Variants in SLC19A2 observed in about 807,000 individuals in gnomAD.
The protein encoded by SLC19A2 is solute carrier family 19 member 2.
A neutral mutation model predicts 44.7 loss-of-function variants in SLC19A2; 27 were observed. The observed-to-expected ratio is 0.60, with a 90% CI of 0.45 to 0.83. The LOEUF is 0.83. Among genes scored for constraint, SLC19A2 ranks in the 40% least tolerant of loss-of-function variants. SLC19A2 has a pLI of 0.00. For synonymous variants in SLC19A2, 239 were observed against 243.6 expected, an observed-to-expected ratio of 0.98 and a Z score of 0.18; for missense variants, 566 against 613.7, an observed-to-expected ratio of 0.92 and a Z score of 0.82.
chr1:169,464,668 A>G lies in SLC19A2; in HGVS notation c.*1181T>C, dbSNP rs1231614762. ...AGACTGATTTCAGAATTAAATGCAT[A>G]TAGAACATTTTTTCAAGTAACTTGG... is the stretch of plus-strand genomic sequence containing the variant. On this transcript the variant is annotated 3_prime_UTR_variant, in exon 6 of 6. Coordinates refer to ENST00000236137, the MANE Select transcript of SLC19A2 (RefSeq NM_006996.3). 2 of 152,620 alleles carry G rather than the reference A, an allele frequency of 1.3e-5. No homozygotes were observed. The highest frequency in any genetic ancestry group is 2.9e-5 in the Non-Finnish European group (2 of 68,012). The allele number at this position is 152,620 out of a possible 1,614,324, so 9.5% of individuals were successfully genotyped here. A position where few individuals can be genotyped will look rare whatever the true frequency, so the allele number is the denominator to read the frequency against.
chr1:169,470,245 A>C, intron 2 of SLC19A2, 59 bp from the exon 3 acceptor site: 1 of 1,421,750 alleles, frequency 7.0e-7, no homozygotes, highest in East Asian at 2.3e-5. Context: ...ATAGAAAGCA[A>C]TTTACAGGCC....
rs182736866 is a variant in SLC19A2 at position 169,468,048 on chromosome 1, T to C, written c.1365+63A>G. ...TGGATTTGTTTTCATTAAGCATACA[T>C]ATACTTCTGTCACCCTGATCAAGTC... On this transcript the variant is annotated intron_variant, in intron 5 of 5. Transcript: ENST00000236137. 4.2e-4 allele frequency: 644 copies of C among 1,549,400 alleles called. 2 individuals carry two copies. In the African/African-American group the frequency reaches 7.4e-3, roughly 18 times the overall value.
intron 2 of SLC19A2, among the ~76,000 whole-genome samples, chr1:169,471,675 CGTGTGTGTGT>C (rs140548510): frequency 7.6e-6 from 1 of 131,900 alleles, no homozygotes; most frequent in Middle Eastern, 3.5e-3. Flanking sequence ...AAAAAACAAA[CGTGTGTGTGT>C]GTGTGTGTGT....
chr1:169,481,030 G>A (rs1354592312), intron 1 of SLC19A2, among the ~76,000 whole-genome samples: 1 of 152,164 alleles, frequency 6.6e-6, no homozygotes, highest in Non-Finnish European at 1.5e-5. Flanking sequence ...AGAGGGGGAA[G>A]ACCAGATAGT....
At chr1:169,476,377 T>C (rs1431895673) in intron 2 of SLC19A2, among the ~76,000 whole-genome samples, 1 of 152,220 alleles carries the variant, frequency 6.6e-6, no homozygotes, top group Non-Finnish European at 1.5e-5. Flanking sequence ...AAATAACAGA[T>C]ATCCCTTCTA....
At chr1:169,481,324 G>T (rs958464670) in intron 1 of SLC19A2, among the ~76,000 whole-genome samples, 1 of 152,212 alleles carries the variant, frequency 6.6e-6, no homozygotes, top group African/African-American at 2.4e-5. Context: ...GCAGAAGAAG[G>T]ATCTGAATTC....
At chr1:169,474,984 T>C (rs1658273479) in intron 2 of SLC19A2, among the ~76,000 whole-genome samples, 1 of 152,202 alleles carries the variant, frequency 6.6e-6, no homozygotes, top group Non-Finnish European at 1.5e-5. Flanking sequence ...TACACACTTT[T>C]AAATTATGTT....
At position 169,477,662 on chromosome 1, in the gene SLC19A2, A is replaced by G. The variant is rs1304669828; in HGVS notation, c.300T>C (p.Val100=). 5.0e-6 allele frequency: 8 copies of G among 1,614,146 alleles called. No individual in the cohort carries two copies. The highest frequency in any genetic ancestry group is 6.8e-6 in the Non-Finnish European group (8 of 1,180,010). The change falls in exon 2 of 6, where the codon GTT becomes GTC. Residue 100 remains valine, a synonymous_variant. Transcript: ENST00000236137. The stretch of plus-strand genomic sequence containing the variant: ...TAAGGCTGAGCCCCTGCAGTAGAAC[A>G]ACAGGTTTATAACGGAGGTAGTCTG... ...LATDYLRYKP[V]VLLQGLSLIV...
At chr1:169,484,790 G>A (rs1158850499) in intron 1 of SLC19A2, among the ~76,000 whole-genome samples, 1 of 152,132 alleles carries the variant, frequency 6.6e-6, no homozygotes, top group African/African-American at 2.4e-5. Flanking sequence ...CTTGATGATG[G>A]ACTACGTGCT....
At chr1:169,471,447 T>A (rs915304391) in intron 2 of SLC19A2, among the ~76,000 whole-genome samples, 1 of 146,000 alleles carries the variant, frequency 6.8e-6, no homozygotes, top group East Asian at 2.0e-4. Flanking sequence ...CTGGGCAACA[T>A]AGTAAGATCC....
intron 2 of SLC19A2, chr1:169,474,132 G>A (rs1427891162): frequency 6.6e-6 from 1 of 152,052 alleles, no homozygotes; most frequent in Non-Finnish European, 1.5e-5. Flanking sequence ...TTATTTTTAT[G>A]GGTTTTGGTG....
chr1:169,481,223 G>T (rs578058331), intron 1 of SLC19A2, among the ~76,000 whole-genome samples: 1 of 152,224 alleles, frequency 6.6e-6, no homozygotes, highest in East Asian at 1.9e-4. Flanking sequence ...ACAAACCTAA[G>T]GTAAATGCTT....
intron 5 of SLC19A2, among the ~76,000 whole-genome samples, chr1:169,466,532 T>C (rs1419134345): frequency 6.6e-6 from 1 of 152,142 alleles, no homozygotes; most frequent in Admixed American, 6.5e-5. Context: ...GACAATTTTT[T>C]TTTTTTAAGT....
chr1:169,469,628 G>T (rs1658116846), intron 3 of SLC19A2, among the ~76,000 whole-genome samples: 1 of 152,092 alleles, frequency 6.6e-6, no homozygotes, highest in Non-Finnish European at 1.5e-5. Context: ...AGATACTATT[G>T]TTATAAACTA....
chr1:169,465,555 C>T lies in SLC19A2; in HGVS notation c.*294G>A, dbSNP rs1657966390. 2 of 400,918 alleles carry T rather than the reference C, an allele frequency of 5.0e-6. No homozygotes were observed. Among genetic ancestry groups the T allele is most frequent in the South Asian group, 2.2e-5 (1 of 45,630 alleles). 24.8% of individuals were successfully genotyped at this position (400,918 alleles called of 1,614,324 possible). ...TCACTTGCTAATGAAGTATACAACA[C>T]CATGTGCTGCTTTGATTGCTCTTGA... On this transcript the variant is annotated 3_prime_UTR_variant, in exon 6 of 6. Transcript: ENST00000236137.
intron 1 of SLC19A2, among the ~76,000 whole-genome samples, chr1:169,483,933 A>G (rs951658743): frequency 7.2e-5 from 11 of 152,236 alleles, no homozygotes; most frequent in African/African-American, 2.7e-4. Context: ...ATATCAGTGC[A>G]GTAATTTTCT....
At chr1:169,473,647 A>T (rs1312744659) in intron 2 of SLC19A2, among the ~76,000 whole-genome samples, 3 of 151,460 alleles carry the variant, frequency 2.0e-5, no homozygotes, top group African/African-American at 7.3e-5. Flanking sequence ...TATCTACATT[A>T]TTGAGTTTTA....
At chr1:169,482,455 C>T (rs1271682925) in intron 1 of SLC19A2, among the ~76,000 whole-genome samples, 3 of 151,890 alleles carry the variant, frequency 2.0e-5, no homozygotes, top group Non-Finnish European at 4.4e-5. Flanking sequence ...GCATGAGAAT[C>T]GCTTAAACCT....
chr1:169,471,093 T>G (rs1009707426), intron 2 of SLC19A2, among the ~76,000 whole-genome samples: 1 of 151,594 alleles, frequency 6.6e-6, no homozygotes, highest in African/African-American at 2.4e-5. Context: ...AAATTTTACT[T>G]TTGTGGCTAA....
Sources: gnomAD v4.1 joint callset for allele counts (sites outside exome capture counted in the v4.1 genomes callset) on GRCh38, gnomAD v4.1.1 for gene constraint, MANE v1.5 for transcripts, NCBI Gene and HGNC (gene_info 2026-07-23, HGNC 2026-07-21) for gene names.